Variants in PTPRG observed in about 807,000 individuals in gnomAD.
The protein encoded by PTPRG is protein tyrosine phosphatase receptor type G.
A neutral mutation model predicts 165.3 loss-of-function variants in PTPRG; 102 were observed. That is an observed-to-expected ratio of 0.62 (90% CI 0.53 to 0.73). The LOEUF is 0.73. Ranked by LOEUF, PTPRG falls within the 30% of genes least tolerant of loss-of-function variation. The probability of loss-of-function intolerance (pLI) is 0.00; values close to 1 mark genes in which losing one functional copy is unlikely to be tolerated. For missense variants in PTPRG, 1,866 were observed against 1,861.4 expected (o/e 1.00, Z -0.05); for synonymous variants, 675 against 669.5 (o/e 1.01, Z -0.13).
chr3:61,726,772 G>A (rs1446785854), intron 1 of PTPRG, among the ~76,000 whole-genome samples: 1 of 152,186 alleles, frequency 6.6e-6, no homozygotes, highest in African/African-American at 2.4e-5. Flanking sequence ...AATTGGCCGG[G>A]TGCGGTGGCT....
intron 14 of PTPRG, among the ~76,000 whole-genome samples, chr3:62,236,464 C>T (rs944367908): frequency 2.0e-5 from 3 of 152,096 alleles, no homozygotes; most frequent in African/African-American, 4.8e-5. Flanking sequence ...GATATTAATG[C>T]GATTTCTTTT....
At chr3:62,075,588 A>G (rs569023782) in intron 4 of PTPRG, among the ~76,000 whole-genome samples, 1 of 152,336 alleles carries the variant, frequency 6.6e-6, no homozygotes, top group South Asian at 2.1e-4. Context: ...TCCTTCTCCC[A>G]TGTACTTAGG....
intron 7 of PTPRG, among the ~76,000 whole-genome samples, chr3:62,167,607 A>G (rs1165421528): frequency 1.3e-5 from 2 of 152,188 alleles, no homozygotes; most frequent in Non-Finnish European, 2.9e-5. Flanking sequence ...GCTCCGGGAC[A>G]TAACAGTTTG....
At chr3:61,794,098 G>T (rs1321249144) in intron 2 of PTPRG, among the ~76,000 whole-genome samples, 1 of 152,078 alleles carries the variant, frequency 6.6e-6, no homozygotes, top group African/African-American at 2.4e-5. Context: ...CAACTGCCTT[G>T]ACTTGAGCAC....
chr3:61,795,639 CAAAAAAA>C (rs145136197), intron 2 of PTPRG, among the ~76,000 whole-genome samples: 73 of 59,468 alleles, frequency 1.2e-3, no homozygotes, highest in Admixed American at 2.9e-3. Flanking sequence ...GACTCCGTCT[CAAAAAAA>C]AAAAAAAAAA....
At chr3:61,678,576 C>T (rs754440355) in intron 1 of PTPRG, among the ~76,000 whole-genome samples, 6 of 152,230 alleles carry the variant, frequency 3.9e-5, no homozygotes, top group Admixed American at 2.6e-4. Flanking sequence ...CTCGGAGCAT[C>T]CCCAGACAAG....
rs760196760 is a variant in PTPRG, at chr3:62,124,075, T to TC, written c.616-8526dup. On this transcript the variant is annotated intron_variant, in intron 5 of 29. Coordinates refer to ENST00000474889, the MANE Select transcript of PTPRG (RefSeq NM_002841.4). ...CTTAGTTTTCCTTCCCTTTTTTTTTTCTTTTTAAAAAGGTCCATTCAACTT... is the reference window on the plus strand; with the variant it reads ...CTTAGTTTTCCTTCCCTTTTTTTTTTCCTTTTTAAAAAGGTCCATTCAACTT... The TC allele has an allele frequency of 7.7e-6, 4 of 521,238 alleles. No individual in the cohort carries two copies. In the East Asian group the frequency reaches 9.3e-5, roughly 12 times the overall value. 32.3% of individuals were successfully genotyped at this position (521,238 alleles called of 1,614,324 possible).
chr3:62,275,598 A>G (rs796843017), intron 23 of PTPRG, among the ~76,000 whole-genome samples: 1 of 152,186 alleles, frequency 6.6e-6, no homozygotes, highest in Non-Finnish European at 1.5e-5. Context: ...CCCCAATTCT[A>G]TAAACAATTT....
At chr3:61,959,939 C>A (rs2040113307) in intron 2 of PTPRG, among the ~76,000 whole-genome samples, 1 of 152,118 alleles carries the variant, frequency 6.6e-6, no homozygotes, top group South Asian at 2.1e-4. Context: ...CTGTGCTGTT[C>A]TCATCGTTGT....
intron 2 of PTPRG, among the ~76,000 whole-genome samples, chr3:61,935,653 CT>C (rs2039467264): frequency 7.0e-6 from 1 of 143,490 alleles, no homozygotes. Flanking sequence ...CTGCTGATAT[CT>C]TTTTTTAATC....
intron 2 of PTPRG, among the ~76,000 whole-genome samples, chr3:61,860,884 A>G (rs977892645): frequency 1.3e-5 from 2 of 151,556 alleles, no homozygotes; most frequent in African/African-American, 4.8e-5. Flanking sequence ...GTGTAGATTC[A>G]TGTATCCGTC....
At chr3:61,935,111 C>G (rs981644066) in intron 2 of PTPRG, among the ~76,000 whole-genome samples, 2 of 152,140 alleles carry the variant, frequency 1.3e-5, no homozygotes, top group African/African-American at 4.8e-5. Flanking sequence ...CTGCCACGTG[C>G]AGCCCCCATC....
intron 4 of PTPRG, among the ~76,000 whole-genome samples, chr3:62,025,552 T>C (rs1027554842): frequency 1.3e-5 from 2 of 152,232 alleles, no homozygotes; most frequent in African/African-American, 4.8e-5. Flanking sequence ...AGGTTTTGTT[T>C]TGTTGACAGC....
chr3:61,667,485 G>A (rs1281537623), intron 1 of PTPRG, among the ~76,000 whole-genome samples: 3 of 152,128 alleles, frequency 2.0e-5, no homozygotes, highest in East Asian at 3.8e-4. Flanking sequence ...TATGTACAAC[G>A]TAATATGTTC....
intron 4 of PTPRG, among the ~76,000 whole-genome samples, chr3:62,028,321 G>C (rs1477304317): frequency 1.3e-5 from 2 of 152,124 alleles, no homozygotes; most frequent in African/African-American, 2.4e-5. Flanking sequence ...GCTAATTACA[G>C]CCTATACATT....
At chr3:62,004,626 A>G (rs1449186974) in intron 4 of PTPRG, among the ~76,000 whole-genome samples, 2 of 152,224 alleles carry the variant, frequency 1.3e-5, no homozygotes, top group South Asian at 2.1e-4. Context: ...GCACCCGATT[A>G]AAGCCTTCCT....
At chr3:61,723,785 T>G (rs1199862989) in intron 1 of PTPRG, among the ~76,000 whole-genome samples, 1 of 152,184 alleles carries the variant, frequency 6.6e-6, no homozygotes, top group Non-Finnish European at 1.5e-5. Context: ...TCATATATGG[T>G]GTAACCACTG....
At chr3:62,078,979 G>C (rs1701482286) in intron 5 of PTPRG, among the ~76,000 whole-genome samples, 1 of 152,218 alleles carries the variant, frequency 6.6e-6, no homozygotes, top group Admixed American at 6.5e-5. Context: ...GTAGGCATCT[G>C]TGGTTTGTCT....
intron 1 of PTPRG, among the ~76,000 whole-genome samples, chr3:61,726,505 A>AAT (rs940984763): frequency 2.6e-5 from 4 of 152,172 alleles, no homozygotes; most frequent in African/African-American, 4.8e-5. Flanking sequence ...AAAATTGCTA[A>AAT]ATATAATTGT....
Sources: gnomAD v4.1 joint callset for allele counts (sites outside exome capture counted in the v4.1 genomes callset) on GRCh38, gnomAD v4.1.1 for gene constraint, MANE v1.5 for transcripts, NCBI Gene and HGNC (gene_info 2026-07-23, HGNC 2026-07-21) for gene names.